SGCZ: variants seen among roughly 807,000 people sequenced by gnomAD.
SGCZ encodes the protein sarcoglycan zeta, also known as zeta-sarcoglycan.
Under a neutral mutation model 41.3 loss-of-function variants are expected in SGCZ, and 40 were observed. The observed-to-expected ratio is 0.97, with a 90% CI of 0.75 to 1.26. The LOEUF is 1.26. Ranked by LOEUF, SGCZ falls within the 50% of genes most tolerant of loss-of-function variation. The pLI is 0.00. For synonymous variants in SGCZ, 206 were observed against 137.5 expected, an observed-to-expected ratio of 1.50 and a Z score of -3.49; for missense variants, 552 against 369.8, an observed-to-expected ratio of 1.49 and a Z score of -4.04.
chr8:15,104,997 T>C (rs1024795877), intron 1 of SGCZ, among the ~76,000 whole-genome samples: 3 of 152,212 alleles, frequency 2.0e-5, no homozygotes, highest in African/African-American at 7.2e-5. Flanking sequence ...CTTTCCTTTA[T>C]GCCTCAACAA....
chr8:14,404,936 C>G (rs760397071), intron 2 of SGCZ, among the ~76,000 whole-genome samples: 1 of 152,170 alleles, frequency 6.6e-6, no homozygotes, highest in Non-Finnish European at 1.5e-5. Flanking sequence ...GTGGCTATTG[C>G]CGGCAGTGGC....
At chr8:14,696,112 G>C (rs922420762) in intron 1 of SGCZ, among the ~76,000 whole-genome samples, 1 of 151,942 alleles carries the variant, frequency 6.6e-6, no homozygotes, top group Non-Finnish European at 1.5e-5. Flanking sequence ...TTTTTTTCAG[G>C]TTGTAGAAAA....
chr8:14,321,191 A>G (rs1801905755), intron 3 of SGCZ, among the ~76,000 whole-genome samples: 1 of 152,072 alleles, frequency 6.6e-6, no homozygotes, highest in Non-Finnish European at 1.5e-5. Flanking sequence ...ATGTTCTATG[A>G]GTAATCTTCC....
intron 1 of SGCZ, among the ~76,000 whole-genome samples, chr8:14,604,704 T>C (rs916933673): frequency 6.6e-6 from 1 of 152,168 alleles, no homozygotes; most frequent in Non-Finnish European, 1.5e-5. Context: ...GCTCTAAGTC[T>C]TTCAGAAAAT....
At chr8:15,221,189 ATT>A (rs944514660) in intron 1 of SGCZ, among the ~76,000 whole-genome samples, 61 of 152,276 alleles carry the variant, frequency 4.0e-4, no homozygotes, top group African/African-American at 1.4e-3. Context: ...AAATAATTAC[ATT>A]TACTCTAAGA....
rs1002424083 is a variant in SGCZ at position 14,086,134 on chromosome 8, T to C, written c.*4309A>G. On this transcript the variant is annotated 3_prime_UTR_variant, in exon 8 of 8. Coordinates refer to ENST00000382080, the MANE Select transcript of SGCZ (RefSeq NM_139167.4). ...CCATATGTCATTAAATATGATCACA[T>C]GAACAACTCTTATTAGACCACAGCT... Among the ~76,000 whole-genome samples the C allele has an allele frequency of 4.0e-5, 6 of 151,746 alleles. No individual in the cohort carries two copies. The highest frequency in any genetic ancestry group is 1.4e-4 in the African/African-American group (6 of 41,422).
chr8:14,725,378 G>C (rs1219671699), intron 1 of SGCZ, among the ~76,000 whole-genome samples: 2 of 152,118 alleles, frequency 1.3e-5, no homozygotes, highest in Non-Finnish European at 2.9e-5. Flanking sequence ...TCATATGGTT[G>C]TTATAATCCT....
chr8:14,954,739 G>A (rs1187016175), intron 1 of SGCZ, among the ~76,000 whole-genome samples: 1 of 152,062 alleles, frequency 6.6e-6, no homozygotes, highest in East Asian at 1.9e-4. Context: ...TTAACTGATT[G>A]AGCCTTAGGT....
chr8:14,760,053 TCTAA>T (rs1366404164), intron 1 of SGCZ, among the ~76,000 whole-genome samples: 1 of 152,186 alleles, frequency 6.6e-6, no homozygotes, highest in African/African-American at 2.4e-5. Flanking sequence ...GCACAATTCC[TCTAA>T]CTAACCCACC....
intron 2 of SGCZ, among the ~76,000 whole-genome samples, chr8:14,455,018 T>A (rs1480066085): frequency 6.6e-6 from 1 of 151,900 alleles, no homozygotes; most frequent in African/African-American, 2.4e-5. Flanking sequence ...AAATAGAAGA[T>A]TAACACATCT....
intron 1 of SGCZ, among the ~76,000 whole-genome samples, chr8:14,729,032 A>C (rs1665777742): frequency 6.6e-6 from 1 of 152,180 alleles, no homozygotes; most frequent in Non-Finnish European, 1.5e-5. Flanking sequence ...TGTGGTCACT[A>C]GGAATTAAGC....
chr8:14,592,907 T>C (rs1805285220), intron 1 of SGCZ, among the ~76,000 whole-genome samples: 1 of 152,220 alleles, frequency 6.6e-6, no homozygotes, highest in Admixed American at 6.5e-5. Context: ...CTTAGCTCAC[T>C]GGTATGAATC....
intron 1 of SGCZ, among the ~76,000 whole-genome samples, chr8:15,158,384 T>G (rs1333786107): frequency 6.6e-6 from 1 of 152,194 alleles, no homozygotes; most frequent in African/African-American, 2.4e-5. Flanking sequence ...GGCTGATATT[T>G]TTGTGCATTT....
At chr8:14,187,174 A>G (rs1427749867) in intron 4 of SGCZ, among the ~76,000 whole-genome samples, 1 of 152,200 alleles carries the variant, frequency 6.6e-6, no homozygotes. Flanking sequence ...TAATAAATTA[A>G]TCCAGTTCAT....
chr8:14,497,675 G>C (rs1282250646), intron 2 of SGCZ, among the ~76,000 whole-genome samples: 1 of 151,906 alleles, frequency 6.6e-6, no homozygotes, highest in African/African-American at 2.4e-5. Context: ...TTCCAATGTG[G>C]CCCAGGGAAG....
intron 2 of SGCZ, among the ~76,000 whole-genome samples, chr8:14,469,802 T>C (rs1047890517): frequency 6.6e-6 from 1 of 152,082 alleles, no homozygotes; most frequent in African/African-American, 2.4e-5. Context: ...AGAAAGAATG[T>C]CTTAGGAGAG....
intron 1 of SGCZ, among the ~76,000 whole-genome samples, chr8:15,064,534 C>CA (rs199980199): frequency 0.049 from 6,443 of 130,694 alleles, 374 homozygotes; most frequent in African/African-American, 0.081. Context: ...CCAGGCCTCT[C>CA]AAAAAAAAAA....
At chr8:14,283,434 T>A (rs1800517710) in intron 3 of SGCZ, among the ~76,000 whole-genome samples, 1 of 152,168 alleles carries the variant, frequency 6.6e-6, no homozygotes, top group South Asian at 2.1e-4. Flanking sequence ...AAATGTTCAT[T>A]TCCTACTTAG....
At chr8:14,222,792 ATTTTTTTTTTTTTTTTTTTTTT>A (rs775444301) in intron 4 of SGCZ, among the ~76,000 whole-genome samples, 9 of 48,854 alleles carry the variant, frequency 1.8e-4, no homozygotes, top group Non-Finnish European at 6.9e-5. Context: ...AGTCACAGTG[ATTTTTTTTTTTTTTTTTTTTTT>A]TTTTTTTTTT....
Sources: gnomAD v4.1 joint callset for allele counts (sites outside exome capture counted in the v4.1 genomes callset) on GRCh38, gnomAD v4.1.1 for gene constraint, MANE v1.5 for transcripts, NCBI Gene and HGNC (gene_info 2026-07-23, HGNC 2026-07-21) for gene names.